Variants in KCNH5 observed in about 807,000 individuals in gnomAD.
KCNH5 encodes the protein voltage-gated delayed rectifier potassium channel KCNH5.
A neutral mutation model predicts 96.1 loss-of-function variants in KCNH5; 46 were observed. The ratio of observed to expected loss-of-function variants is 0.48; its 90% CI spans 0.38 to 0.61. The LOEUF is 0.61. KCNH5 is among the 20% of genes least tolerant of loss of function. The pLI, the probability that KCNH5 is intolerant of heterozygous loss-of-function variation, is 0.00. For synonymous variants in KCNH5, 439 were observed against 449.8 expected (o/e 0.98, Z 0.30); for missense variants, 907 against 1,225.8 (o/e 0.74, Z 3.88).
At chr14:62,805,314 A>G (rs187869461) in intron 8 of KCNH5, among the ~76,000 whole-genome samples, 144 of 152,312 alleles carry the variant, frequency 9.5e-4, no homozygotes, top group Non-Finnish European at 1.7e-3. Flanking sequence ...ATTTTATTAC[A>G]TTATGAGTAC....
chr14:62,725,470 C>T (rs1197642963), intron 10 of KCNH5, among the ~76,000 whole-genome samples: 1 of 151,970 alleles, frequency 6.6e-6, no homozygotes, highest in Non-Finnish European at 1.5e-5. Flanking sequence ...GAGTTGTGAC[C>T]CTGAAGGAAA....
chr14:62,839,885 G>GT (rs143900061), intron 8 of KCNH5, among the ~76,000 whole-genome samples: 2,215 of 152,046 alleles, frequency 0.015, 50 homozygotes, highest in African/African-American at 0.051. Flanking sequence ...AAATTCTATT[G>GT]TTTTTTTCTA....
intron 6 of KCNH5, among the ~76,000 whole-genome samples, chr14:62,960,251 C>T (rs1161831464): frequency 1.3e-5 from 2 of 152,158 alleles, no homozygotes; most frequent in African/African-American, 4.8e-5. Flanking sequence ...CTTTCACTTT[C>T]TGATCTAGAT....
chr14:62,925,863 G>A (rs1356934518), intron 7 of KCNH5, among the ~76,000 whole-genome samples: 1 of 151,978 alleles, frequency 6.6e-6, no homozygotes, highest in Non-Finnish European at 1.5e-5. Flanking sequence ...AAAGAAGAAA[G>A]AAATTCCCAC....
intron 10 of KCNH5, among the ~76,000 whole-genome samples, chr14:62,719,966 T>C (rs1325426274): frequency 1.3e-5 from 2 of 152,194 alleles, no homozygotes; most frequent in Non-Finnish European, 2.9e-5. Flanking sequence ...TAGGAATATA[T>C]CTGTAAACAA....
intron 9 of KCNH5, among the ~76,000 whole-genome samples, chr14:62,781,853 C>T (rs1434288316): frequency 1.3e-5 from 2 of 151,062 alleles, no homozygotes; most frequent in African/African-American, 2.5e-5. Context: ...ACATCCTCCT[C>T]AGCTGACAGG....
Position 62,981,020 on chromosome 14 carries a change from T to C in KCNH5, c.794A>G (p.Asn265Ser). The C allele has an allele frequency of 6.2e-7, 1 of 1,614,098 alleles. No homozygotes were observed. Among genetic ancestry groups the C allele is most frequent in the Non-Finnish European group, 8.5e-7 (1 of 1,180,008 alleles). The change falls in exon 6 of 11, where the codon AAT becomes AGT. Residue 265 changes from asparagine to serine, a missense_variant. Coordinates refer to ENST00000322893, the MANE Select transcript of KCNH5 (RefSeq NM_139318.5). ...GGGCCCCACGAAAGTCGTGTGAAAA[T>C]TTAAAACGATGTCAACCAGAAAAAT... ...DVIFLVDIVLNFHTTFVGPGG... is the reference protein window; with the variant it reads ...DVIFLVDIVLSFHTTFVGPGG...
intron 6 of KCNH5, among the ~76,000 whole-genome samples, chr14:62,954,292 G>A (rs182584231): frequency 6.6e-6 from 1 of 152,252 alleles, no homozygotes; most frequent in South Asian, 2.1e-4. Flanking sequence ...CCCACTGGGA[G>A]AATTCGATAT....
chr14:62,896,007 C>T lies in KCNH5; in HGVS notation c.1370-46155G>A, dbSNP rs1888805191. Among the ~76,000 whole-genome samples the T allele has an allele frequency of 2.0e-5, 3 of 152,164 alleles. No homozygotes were observed. In the South Asian group the frequency reaches 6.2e-4, roughly 32 times the overall value. ...GGGACTATAAGAAAGAAATTGTTTT[C>T]ACATCATAAGCTTTCCCAGTAGGCA... On this transcript the variant is annotated intron_variant, in intron 7 of 10. Coordinates refer to ENST00000322893, the MANE Select transcript of KCNH5 (RefSeq NM_139318.5).
At chr14:62,994,364 T>C (rs926689919) in intron 4 of KCNH5, among the ~76,000 whole-genome samples, 2 of 151,986 alleles carry the variant, frequency 1.3e-5, no homozygotes, top group Non-Finnish European at 2.9e-5. Flanking sequence ...AGTTTTGGAG[T>C]CTGTTTGAAA....
intron 7 of KCNH5, among the ~76,000 whole-genome samples, chr14:62,893,510 C>G (rs1888751981): frequency 6.6e-6 from 1 of 152,138 alleles, no homozygotes; most frequent in African/African-American, 2.4e-5. Flanking sequence ...AATCCCAGCA[C>G]TTTGGGAGGC....
intron 10 of KCNH5, among the ~76,000 whole-genome samples, chr14:62,778,676 G>A (rs1225894383): frequency 6.6e-6 from 1 of 152,212 alleles, no homozygotes; most frequent in South Asian, 2.1e-4. Flanking sequence ...CTGTGCTTAA[G>A]TCTGTGTGTT....
At chr14:62,917,742 T>C (rs1487432562) in intron 7 of KCNH5, among the ~76,000 whole-genome samples, 1 of 152,178 alleles carries the variant, frequency 6.6e-6, no homozygotes, top group African/African-American at 2.4e-5. Flanking sequence ...ATCATCCTCT[T>C]AATTCTTAAA....
intron 8 of KCNH5, 136 bp from the exon 9 acceptor site, chr14:62,802,717 G>T: frequency 1.9e-6 from 2 of 1,043,760 alleles, no homozygotes; most frequent in Non-Finnish European, 1.4e-6. Flanking sequence ...TACTGGGAAG[G>T]CAAAGGGAAC....
intron 7 of KCNH5, among the ~76,000 whole-genome samples, chr14:62,947,643 G>A (rs1419750437): frequency 6.6e-6 from 1 of 151,930 alleles, no homozygotes; most frequent in Non-Finnish European, 1.5e-5. Flanking sequence ...CGCCCTTGGA[G>A]TCCCAGAACT....
chr14:63,001,513 A>G (rs1594668672), intron 3 of KCNH5, 54 bp from the exon 4 acceptor site: 2 of 1,525,784 alleles, frequency 1.3e-6, no homozygotes, highest in East Asian at 4.7e-5. Context: ...CGGCCACAGC[A>G]GTGGTTTGGT....
At chr14:62,933,948 G>A (rs1225549727) in intron 7 of KCNH5, among the ~76,000 whole-genome samples, 1 of 152,012 alleles carries the variant, frequency 6.6e-6, no homozygotes, top group African/African-American at 2.4e-5. Flanking sequence ...CCTGGTATTA[G>A]CCATTACCCA....
intron 1 of KCNH5, among the ~76,000 whole-genome samples, chr14:63,037,184 G>C (rs1308211238): frequency 1.3e-5 from 2 of 152,054 alleles, no homozygotes; most frequent in Non-Finnish European, 2.9e-5. Flanking sequence ...CCATAAACTA[G>C]GTACTATTAT....
intron 10 of KCNH5, among the ~76,000 whole-genome samples, chr14:62,739,695 T>G (rs1049706736): frequency 6.6e-6 from 1 of 152,090 alleles, no homozygotes; most frequent in African/African-American, 2.4e-5. Context: ...CCAAAACACT[T>G]GTACAAGAAA....
Sources: allele counts gnomAD v4.1 joint callset (sites outside exome capture counted in the v4.1 genomes callset), GRCh38; gene constraint gnomAD v4.1.1; transcripts MANE v1.5; gene names NCBI Gene and HGNC (gene_info 2026-07-23, HGNC 2026-07-21).